The following ASCC2 variants were observed in gnomAD, a reference collection of about 807,000 sequenced individuals.
The protein encoded by ASCC2 is activating signal cointegrator 1 complex subunit 2.
ASCC2 carries 42 observed loss-of-function variants against 93.5 expected under a neutral mutation model. That is an observed-to-expected ratio of 0.45 (90% CI 0.35 to 0.58). The LOEUF is 0.58. ASCC2 is among the 20% of genes least tolerant of loss of function. The probability of loss-of-function intolerance (pLI) is 0.00; values close to 1 mark genes in which losing one functional copy is unlikely to be tolerated. For missense variants in ASCC2, 859 were observed against 977.6 expected, an observed-to-expected ratio of 0.88 and a Z score of 1.62; for synonymous variants, 364 against 384.2, an observed-to-expected ratio of 0.95 and a Z score of 0.62.
intron 5 of ASCC2, among the ~76,000 whole-genome samples, chr22:29,819,022 C>T (rs1602098787): frequency 6.6e-6 from 1 of 152,332 alleles, no homozygotes; most frequent in Non-Finnish European, 1.5e-5. Context: ...CCAGATGAAT[C>T]TTGTTACCAG....
rs8139853 is a variant in ASCC2 at position 29,834,667 on chromosome 22, G to A, written c.-17-2325C>T. 1,888 of 411,230 alleles carry A rather than the reference G, an allele frequency of 4.6e-3. 41 individuals carry two copies. The highest frequency in any genetic ancestry group is 0.037 in the African/African-American group (1,786 of 48,452). 25.5% of individuals were successfully genotyped at this position (411,230 alleles called of 1,614,324 possible). On this transcript the variant is annotated intron_variant, in intron 1 of 19. Transcript: ENST00000307790. ...TGCACGTATTTCTAATCAAGTTACT[G>A]TCTTACTAGCCTCTCACAACAACCC... is the stretch of plus-strand genomic sequence containing the variant.
At chr22:29,829,954 A>G (rs1293425205) in intron 2 of ASCC2, among the ~76,000 whole-genome samples, 1 of 152,190 alleles carries the variant, frequency 6.6e-6, no homozygotes, top group Non-Finnish European at 1.5e-5. Context: ...CCCCAAGCCA[A>G]GACTAAAGGG....
At chr22:29,799,503 C>A (rs2058825048) in intron 15 of ASCC2, among the ~76,000 whole-genome samples, 1 of 152,192 alleles carries the variant, frequency 6.6e-6, no homozygotes, top group Admixed American at 6.5e-5. Flanking sequence ...CAGCACAGGG[C>A]CCTAACTGAA....
At position 29,836,378 on chromosome 22, in the gene ASCC2, T is replaced by TC. The variant is rs2063785870; in HGVS notation, c.-18+1799dup. 7.5e-5 allele frequency: 3 copies of TC among 39,896 alleles called. No individual in the cohort carries two copies. In the South Asian group the frequency reaches 2.7e-3, roughly 36 times the overall value. The allele number at this position is 39,896 out of a possible 1,614,324, so 2.5% of individuals were successfully genotyped here. On this transcript the variant is annotated intron_variant, in intron 1 of 19. Transcript: ENST00000307790. Reference sequence around the variant, plus strand: ...CTGGGCGACAGAGCGAGACTCCATCTCAAAAAAAAAAAAAAAAAAAAAAAG... The same window carrying TC: ...CTGGGCGACAGAGCGAGACTCCATCTCCAAAAAAAAAAAAAAAAAAAAAAAG...
Position 29,792,458 on chromosome 22 carries a change from T to A in ASCC2, c.1997A>T (p.Asp666Val), listed in dbSNP as rs2057872897. The change falls in exon 18 of 20, where the codon GAC becomes GTC. Residue 666 changes from aspartate to valine, a missense_variant. Coordinates refer to ENST00000307790, the MANE Select transcript of ASCC2 (RefSeq NM_032204.5). Reference sequence around the variant, plus strand: ...CTTGGGAGCCTCCTCGTCAGCATCGTCTTCCTCATCGTCGTCATCCTCCTC... The same window carrying A: ...CTTGGGAGCCTCCTCGTCAGCATCGACTTCCTCATCGTCGTCATCCTCCTC... ...GQEEDDDDEEDDADEEAPKPD... is the reference protein window; with the variant it reads ...GQEEDDDDEEVDADEEAPKPD... 1.2e-6 allele frequency: 2 copies of A among 1,614,006 alleles called. No individual in the cohort carries two copies. The highest frequency in any genetic ancestry group is 1.7e-6 in the Non-Finnish European group (2 of 1,179,940).
At chr22:29,790,347 G>A in intron 19 of ASCC2, 122 bp downstream of exon 19, 1 of 935,538 alleles carries the variant, frequency 1.1e-6, no homozygotes, top group East Asian at 2.6e-5. Context: ...TCACTGGGTT[G>A]TCGTGAGAAC....
chr22:29,821,818 G>A, intron 5 of ASCC2: 1 of 352,554 alleles, frequency 2.8e-6, no homozygotes, highest in Non-Finnish European at 5.6e-6. Flanking sequence ...AACATAGTGA[G>A]ACCCCATCTA....
chr22:29,808,082 C>A, intron 9 of ASCC2, 29 bp downstream of exon 9: 1 of 1,612,938 alleles, frequency 6.2e-7, no homozygotes, highest in South Asian at 1.1e-5. Flanking sequence ...TGTCCCACAA[C>A]AACATTCTTA....
intron 5 of ASCC2, 74 bp from the exon 6 acceptor site, chr22:29,816,147 TG>T (rs1308687634): frequency 8.0e-7 from 1 of 1,251,014 alleles, no homozygotes; most frequent in African/African-American, 1.5e-5. Flanking sequence ...ACATTACAAA[TG>T]GTTGCCAGCA....
intron 2 of ASCC2, among the ~76,000 whole-genome samples, chr22:29,827,757 G>GAGACAC (rs147155722): frequency 1.6e-4 from 16 of 100,988 alleles, no homozygotes; most frequent in Admixed American, 9.0e-4. Context: ...TCATTCTCCC[G>GAGACAC]ACACACACAC....
Position 29,821,347 on chromosome 22 carries a change from T to C in ASCC2, c.541+988A>G, listed in dbSNP as rs139680873. Among the ~76,000 whole-genome samples, 50 of 152,356 alleles carry C rather than the reference T, an allele frequency of 3.3e-4. No homozygotes were observed. The East Asian group carries it at 9.1e-3, about 28-fold the overall frequency. ...AGCAACAATGCAAATCATGACATTT[T>C]TGACACAGTGCCATCATCCCTGAAG... On this transcript the variant is annotated intron_variant, in intron 5 of 19. Coordinates refer to ENST00000307790, the MANE Select transcript of ASCC2 (RefSeq NM_032204.5).
At chr22:29,835,390 C>A (rs2063646853) in intron 1 of ASCC2, among the ~76,000 whole-genome samples, 1 of 151,344 alleles carries the variant, frequency 6.6e-6, no homozygotes, top group Admixed American at 6.6e-5. Context: ...AGAGCAAGAC[C>A]CTGTCCCAAA....
intron 2 of ASCC2, among the ~76,000 whole-genome samples, chr22:29,831,775 C>T (rs906548728): frequency 1.3e-5 from 2 of 152,146 alleles, no homozygotes; most frequent in African/African-American, 2.4e-5. Flanking sequence ...CTAGCTCTGC[C>T]GGGGTGTTTG....
At chr22:29,821,867 T>G (rs1364307668) in intron 5 of ASCC2, 1 of 401,050 alleles carries the variant, frequency 2.5e-6, no homozygotes, top group Admixed American at 3.4e-5. Flanking sequence ...GGCATGGTGG[T>G]GTGCACCTGT....
chr22:29,823,709 G>C (rs1671388240), intron 4 of ASCC2, among the ~76,000 whole-genome samples: 1 of 152,174 alleles, frequency 6.6e-6, no homozygotes, highest in Non-Finnish European at 1.5e-5. Context: ...TTAGCTGGGA[G>C]TGGTGGCACA....
Position 29,825,073 on chromosome 22 carries a change from G to A in ASCC2, c.411+14C>T. 2.7e-6 allele frequency: 4 copies of A among 1,458,112 alleles called. No individual in the cohort carries two copies. Among genetic ancestry groups the A allele is most frequent in the Non-Finnish European group, 3.6e-6 (4 of 1,097,502 alleles). The allele number at this position is 1,458,112 out of a possible 1,614,324, so 90.3% of individuals were successfully genotyped here. Reference sequence around the variant, plus strand: ...AGTATCGGGTGATGACCTGTCATGGGATCAGTGGCTTACTTTGGATTCCTT... The same window carrying A: ...AGTATCGGGTGATGACCTGTCATGGAATCAGTGGCTTACTTTGGATTCCTT... On this transcript the variant is annotated intron_variant, in intron 4 of 19. Transcript: ENST00000307790. This position sits in a 1 kb window ranked among gnomAD's most constrained non-coding sequence, Gnocchi z 4.9.
At chr22:29,827,294 T>G (rs1211390080) in intron 2 of ASCC2, among the ~76,000 whole-genome samples, 1 of 152,104 alleles carries the variant, frequency 6.6e-6, no homozygotes, top group Non-Finnish European at 1.5e-5. Flanking sequence ...TTTTCTCCTC[T>G]GACTACATAA....
intron 1 of ASCC2, among the ~76,000 whole-genome samples, chr22:29,836,226 G>A (rs2063759890): frequency 6.6e-6 from 1 of 151,974 alleles, no homozygotes; most frequent in South Asian, 2.1e-4. Context: ...GATAGGGGAT[G>A]ACAGAAGTGA....
intron 8 of ASCC2, among the ~76,000 whole-genome samples, chr22:29,813,060 T>C (rs2147943319): frequency 6.6e-6 from 1 of 152,280 alleles, no homozygotes; most frequent in Middle Eastern, 3.4e-3. Context: ...TTTGTATTTT[T>C]AGTAGAGATG....
Sources: allele counts gnomAD v4.1 joint callset (sites outside exome capture counted in the v4.1 genomes callset), GRCh38; gene constraint gnomAD v4.1.1; non-coding constraint Gnocchi (gnomAD v3.1); transcripts MANE v1.5; gene names NCBI Gene and HGNC (gene_info 2026-07-23, HGNC 2026-07-21).